Variants in RBP2 observed in about 807,000 individuals in gnomAD.
The protein encoded by RBP2 is retinol-binding protein 2.
Under a neutral mutation model 17.0 loss-of-function variants are expected in RBP2, and 17 were observed. The ratio of observed to expected loss-of-function variants is 1.00; its 90% CI spans 0.68 to 1.50. RBP2 has a LOEUF of 1.50. Among genes scored for constraint, RBP2 ranks in the 40% most tolerant of loss-of-function variants. The probability of loss-of-function intolerance (pLI) is 0.00; values close to 1 mark genes in which losing one functional copy is unlikely to be tolerated. For missense variants in RBP2, 158 were observed against 168.2 expected (o/e 0.94, Z 0.33); for synonymous variants, 48 against 57.1 (o/e 0.84, Z 0.72).
intron 1 of RBP2, chr3:139,466,875 C>G (rs1361707976): frequency 6.6e-6 from 1 of 152,188 alleles, no homozygotes; most frequent in African/African-American, 2.4e-5. Flanking sequence ...CACTCTTGTC[C>G]CAGCTTTCCA....
At chr3:139,462,416 G>T (rs1180883177) in intron 1 of RBP2, 126 bp from the exon 2 acceptor site, 4 of 1,002,936 alleles carry the variant, frequency 4.0e-6, no homozygotes, top group Non-Finnish European at 6.0e-6. Flanking sequence ...TTGCTTAAGT[G>T]GGAAACAAGC....
At chr3:139,457,543 G>A (rs202179829) in intron 2 of RBP2, among the ~76,000 whole-genome samples, 2 of 152,258 alleles carry the variant, frequency 1.3e-5, no homozygotes, top group East Asian at 1.9e-4. Context: ...TGACCCTAAA[G>A]TAAATTGGTT....
At chr3:139,463,150 C>T (rs987296071) in intron 1 of RBP2, among the ~76,000 whole-genome samples, 6 of 151,844 alleles carry the variant, frequency 4.0e-5, no homozygotes, top group South Asian at 2.1e-4. Flanking sequence ...TAGTTTTAAA[C>T]GTATTCTGGA....
rs760677183 is a variant in RBP2, at chr3:139,462,161, C to T, written c.203G>A (p.Gly68Glu). ...FRNYDVDFTV[G>E]VEFDEYTKSL... ...CTTTGTGTACTCGTCAAACTCTACT[C>T]CAACAGTGAAATCCACATCATAGTT... The change falls in exon 2 of 4, where the codon GGA (glycine) becomes GAA (glutamate). Residue 68 changes from glycine to glutamate, a missense_variant. Gly to Glu is a moderately conservative substitution (Grantham distance 98). Coordinates refer to ENST00000232217, the MANE Select transcript of RBP2 (RefSeq NM_004164.3). The T allele has an allele frequency of 6.2e-7, 1 of 1,614,130 alleles. No homozygotes were observed. Among genetic ancestry groups the T allele is most frequent in the Admixed American group, 1.7e-5 (1 of 60,012 alleles).
At chr3:139,459,400 A>ATATATGTGTGTGTGTGTG (rs111417242) in intron 2 of RBP2, among the ~76,000 whole-genome samples, 7,787 of 128,414 alleles carry the variant, frequency 0.061, 318 homozygotes, top group East Asian at 0.14. Flanking sequence ...TACTATATAT[A>ATATATGTGTGTGTGTGTG]TGTGTGTGTG....
intron 3 of RBP2, among the ~76,000 whole-genome samples, chr3:139,454,449 T>C (rs1324145292): frequency 6.6e-6 from 1 of 152,156 alleles, no homozygotes; most frequent in Non-Finnish European, 1.5e-5. Flanking sequence ...AGCTGGTCTT[T>C]AGCAGGTTCC....
chr3:139,466,514 A>T (rs927357041), intron 1 of RBP2: 2 of 152,222 alleles, frequency 1.3e-5, no homozygotes, highest in Non-Finnish European at 2.9e-5. Flanking sequence ...CGTGCAGAGG[A>T]ACTGGCAAGA....
intron 2 of RBP2, among the ~76,000 whole-genome samples, 167 bp from the exon 3 acceptor site, chr3:139,454,997 C>T (rs1943370558): frequency 6.6e-6 from 1 of 152,244 alleles, no homozygotes; most frequent in Admixed American, 6.5e-5. Flanking sequence ...TTTCCACATA[C>T]ACCCTCCATT....
chr3:139,455,494 ACTCT>A (rs1303221104), intron 2 of RBP2, among the ~76,000 whole-genome samples: 1 of 152,080 alleles, frequency 6.6e-6, no homozygotes, highest in Non-Finnish European at 1.5e-5. Context: ...AGAAGCAGGC[ACTCT>A]CTCTTATACA....
At chr3:139,474,198 T>C (rs1169252080) in intron 1 of RBP2, among the ~76,000 whole-genome samples, 1 of 152,192 alleles carries the variant, frequency 6.6e-6, no homozygotes, top group Non-Finnish European at 1.5e-5. Flanking sequence ...TATTCAAATA[T>C]CACATTCACA....
rs1933212296 is a variant in RBP2 at position 139,462,165 on chromosome 3, C to T, written c.199G>A (p.Val67Ile). The T allele has an allele frequency of 2.5e-6, 4 of 1,614,154 alleles. No individual in the cohort carries two copies. Among genetic ancestry groups the T allele is most frequent in the Admixed American group, 1.7e-5 (1 of 60,026 alleles). ...TFRNYDVDFT[V>I]GVEFDEYTKS... ...GTGTACTCGTCAAACTCTACTCCAA[C>T]AGTGAAATCCACATCATAGTTGCGG... The change falls in exon 2 of 4, where the codon GTT becomes ATT. Residue 67 changes from valine to isoleucine, a missense_variant. Val to Ile is a conservative substitution (Grantham distance 29). Coordinates refer to ENST00000232217, the MANE Select transcript of RBP2 (RefSeq NM_004164.3).
chr3:139,463,640 C>T (rs1301840245), intron 1 of RBP2, among the ~76,000 whole-genome samples: 1 of 152,168 alleles, frequency 6.6e-6, no homozygotes, highest in African/African-American at 2.4e-5. Flanking sequence ...TCAACTAGAG[C>T]CATGCCAAAA....
At chr3:139,465,384 C>T (rs993565059) in intron 1 of RBP2, among the ~76,000 whole-genome samples, 2 of 152,132 alleles carry the variant, frequency 1.3e-5, no homozygotes, top group East Asian at 1.9e-4. Context: ...CTTGGGAAAC[C>T]TTCCTCATTT....
chr3:139,465,385 T>A (rs1242410797), intron 1 of RBP2, among the ~76,000 whole-genome samples: 1 of 152,188 alleles, frequency 6.6e-6, no homozygotes, highest in Non-Finnish European at 1.5e-5. Flanking sequence ...TTGGGAAACC[T>A]TCCTCATTTT....
chr3:139,458,161 C>T lies in RBP2; in HGVS notation c.253-3331G>A, dbSNP rs111689259. On this transcript the variant is annotated intron_variant, in intron 2 of 3. Coordinates refer to ENST00000232217, the MANE Select transcript of RBP2 (RefSeq NM_004164.3). ...GGTGTTTTTTGTTATATTCTTGTAA[C>T]TTTTCTGTAAGTTGGAATTACTCGC... Among the ~76,000 whole-genome samples, 1,178 of 151,474 alleles carry T rather than the reference C, an allele frequency of 7.8e-3. 16 individuals are homozygous for T. Among genetic ancestry groups the T allele is most frequent in the African/African-American group, 0.026 (1,092 of 41,350 alleles).
In RBP2 at chr3:139,462,277, G is replaced by A. The variant is rs959913910; in HGVS notation, c.87C>T (p.Ala29=). The change falls in exon 2 of 4, where the codon GCC becomes GCT. Residue 29 remains alanine, a synonymous_variant. Transcript: ENST00000232217. ...TGAGACGTACTGCAATCTTGCGGGT[G>A]GCAAAATCAATATCTGTTGGCAAAG... The part of the protein sequence containing the change: ...GYMKALDIDF[A]TRKIAVRLTQ... The A allele has an allele frequency of 1.2e-6, 2 of 1,614,108 alleles. No individual in the cohort carries two copies. Among genetic ancestry groups the A allele is most frequent in the Non-Finnish European group, 1.7e-6 (2 of 1,180,004 alleles).
intron 2 of RBP2, among the ~76,000 whole-genome samples, chr3:139,458,928 T>G (rs190189374): frequency 4.0e-4 from 61 of 152,254 alleles, no homozygotes; most frequent in Admixed American, 3.4e-3. Flanking sequence ...GGATAGGAAG[T>G]TGGGAATACA....
chr3:139,464,424 C>T (rs1192101436), intron 1 of RBP2, among the ~76,000 whole-genome samples: 2 of 152,108 alleles, frequency 1.3e-5, no homozygotes, highest in African/African-American at 2.4e-5. Flanking sequence ...TGCCATTGCA[C>T]TCCTCGCAAT....
chr3:139,466,110 G>A (rs571600685), intron 1 of RBP2, among the ~76,000 whole-genome samples: 171 of 152,322 alleles, frequency 1.1e-3, no homozygotes, highest in Admixed American at 1.7e-3. Context: ...ACCAAGACAA[G>A]CTGGTTTCTG....
Sources: gnomAD v4.1 joint callset for allele counts (sites outside exome capture counted in the v4.1 genomes callset) on GRCh38, gnomAD v4.1.1 for gene constraint, MANE v1.5 for transcripts, NCBI Gene and HGNC (gene_info 2026-07-23, HGNC 2026-07-21) for gene names.